TTN: variants seen among roughly 807,000 people sequenced by gnomAD.
TTN encodes connectin.
In TTN, 1,525 loss-of-function variants were observed where a neutral mutation model predicts 3,223.0. That is an observed-to-expected ratio of 0.47 (90% CI 0.45 to 0.49). The LOEUF (loss-of-function observed/expected upper bound fraction) is 0.49, where lower values mean the gene tolerates loss of function less well. Among genes scored for constraint, TTN ranks in the 20% least tolerant of loss-of-function variants. TTN has a pLI of 0.00. For synonymous variants in TTN, 14,094 were observed against 15,161.0 expected, an observed-to-expected ratio of 0.93 and a Z score of 5.17; for missense variants, 40,786 against 43,424.0, an observed-to-expected ratio of 0.94 and a Z score of 5.40.
intron 278 of TTN, among the ~76,000 whole-genome samples, chr2:178,606,356 G>A (rs1466767981): frequency 6.6e-6 from 1 of 151,870 alleles, no homozygotes; most frequent in African/African-American, 2.4e-5. Flanking sequence ...ATGAGCTGCA[G>A]CAGTGATATA....
At chr2:178,623,034 A>G (rs2058532097) in intron 242 of TTN, among the ~76,000 whole-genome samples, 1 of 151,924 alleles carries the variant, frequency 6.6e-6, no homozygotes, top group South Asian at 2.1e-4. Context: ...CTAGGGAGCC[A>G]TCTCAGTTCT....
At position 178,651,658 on chromosome 2, in the gene TTN, A is replaced by T; in HGVS notation, c.39463+8T>A. 6.2e-7 allele frequency: 1 copy of T among 1,613,224 alleles called. No individual in the cohort carries two copies. The highest frequency in any genetic ancestry group is 1.1e-5 in the South Asian group (1 of 91,048). On this transcript the variant is annotated splice_region_variant and intron_variant, in intron 206 of 362. Coordinates refer to ENST00000589042, the MANE Select transcript of TTN (RefSeq NM_001267550.2). The stretch of plus-strand genomic sequence containing the variant: ...TTTTGTTAGGGAGTTAGTGGCAGTG[A>T]GGAATACCTTTCACTGGTGGTAGTT...
In TTN at chr2:178,731,842, C is replaced by T. The variant is rs374742663; in HGVS notation, c.17033G>A (p.Arg5678Gln). The change falls in exon 58 of 363, where the codon CGA (arginine) becomes CAA (glutamine). Residue 5678 changes from arginine (R) to glutamine (Q), a missense_variant. Physicochemically the swap from Arg to Gln is conservative, Grantham distance 43 (BLOSUM62 1). Coordinates refer to ENST00000589042, the MANE Select transcript of TTN (RefSeq NM_001267550.2). Reference protein sequence around the residue: ...ITWFKDNTILRSGRKYKTFIQ... With the variant: ...ITWFKDNTILQSGRKYKTFIQ... ...GAAAGTCTTATACTTTCTACCACTT[C>T]GCAGGATTGTGTTATCTTTGAACCA... The T allele has an allele frequency of 6.2e-6, 10 of 1,613,768 alleles. No individual in the cohort carries two copies. The highest frequency in any genetic ancestry group is 4.4e-5 in the South Asian group (4 of 91,076).
At position 178,770,156 on chromosome 2, in the gene TTN, G is replaced by T; in HGVS notation, c.8545C>A (p.His2849Asn). Residue 2849 changes from histidine to asparagine, a missense_variant, in exon 36 of 363, where the codon CAC becomes AAC. Physicochemically the swap from His to Asn is moderately conservative, Grantham distance 68. Transcript: ENST00000589042. ...GAGATGTTCTGCAGCATCAGCTTGT[G>T]GACTTTCCTTTCTGAGACCAGTCTG... ...KHRLVSERKVHKLMLQNISPS... is the reference protein window; with the variant it reads ...KHRLVSERKVNKLMLQNISPS... 1 of 1,614,044 alleles carries T rather than the reference G, an allele frequency of 6.2e-7. No individual in the cohort carries two copies. Among genetic ancestry groups the T allele is most frequent in the Non-Finnish European group, 8.5e-7 (1 of 1,179,998 alleles).
chr2:178,793,327 T>C, intron 9 of TTN, 77 bp downstream of exon 9: 1 of 1,562,314 alleles, frequency 6.4e-7, no homozygotes, highest in Non-Finnish European at 8.7e-7. Flanking sequence ...GGAACAACAC[T>C]CTTCATGGTA....
Position 178,609,323 on chromosome 2 carries a change from C to T in TTN, c.51987G>A (p.Lys17329=). 6.2e-7 allele frequency: 1 copy of T among 1,610,118 alleles called. No homozygotes were observed. The highest frequency in any genetic ancestry group is 8.5e-7 in the Non-Finnish European group (1 of 1,178,086). ...CTCGGACGCGTAGCTGAGATTCTCC[C>T]TTTTTGCTGTTGTCAATACTCAAAC... ...TQRLSIDNSK[K]GESQLRVRDS... The change falls in exon 273 of 363, where the codon AAG becomes AAA. Residue 17329 remains lysine, a synonymous_variant. Coordinates refer to ENST00000589042, the MANE Select transcript of TTN (RefSeq NM_001267550.2).
chr2:178,701,365 T>G lies in TTN; in HGVS notation c.30599-162A>C, dbSNP rs114983830. Among the ~76,000 whole-genome samples the G allele has an allele frequency of 0.017, 2,353 of 139,496 alleles. 64 individuals are homozygous for G. The highest frequency in any genetic ancestry group is 0.056 in the African/African-American group (2,247 of 39,828). 91.5% of individuals were successfully genotyped at this position (139,496 alleles called of 152,430 possible). On this transcript the variant is annotated intron_variant, in intron 110 of 362. Coordinates refer to ENST00000589042, the MANE Select transcript of TTN (RefSeq NM_001267550.2). ...AGCATTTATTTATAACTGGAACTAC[T>G]TTTTTTTTTTACTTTAATTTCTAAT... is the stretch of plus-strand genomic sequence containing the variant.
In TTN at chr2:178,533,932, C is replaced by A; in HGVS notation, c.102683G>T (p.Gly34228Val). Reference sequence around the variant, plus strand: ...GTAATAGTCATAGACTTCTCTCACACCTTTAACAAATAGCTCTGCATAAGA... The same window carrying A: ...GTAATAGTCATAGACTTCTCTCACAACTTTAACAAATAGCTCTGCATAAGA... ...DSSYAELFVK[G>V]VREVYDYYCR... Residue 34228 changes from glycine to valine, a missense_variant, in exon 358 of 363, where the codon GGT (glycine) becomes GTT (valine). Physicochemically the swap from Gly to Val is moderately radical, Grantham distance 109. Transcript: ENST00000589042. The A allele has an allele frequency of 6.2e-7, 1 of 1,613,868 alleles. No homozygotes were observed. Among genetic ancestry groups the A allele is most frequent in the Non-Finnish European group, 8.5e-7 (1 of 1,179,854 alleles).
At chr2:178,756,097 A>C in intron 46 of TTN, 125 bp downstream of exon 46, 9 of 731,698 alleles carry the variant, frequency 1.2e-5, no homozygotes, top group Non-Finnish European at 2.0e-5. Flanking sequence ...GAAGTCACTT[A>C]TGAATAGGGT....
At chr2:178,641,208 G>A (rs1296237363) in intron 220 of TTN, 33 bp downstream of exon 220, 5 of 1,380,864 alleles carry the variant, frequency 3.6e-6, no homozygotes, top group Non-Finnish European at 4.9e-6. Flanking sequence ...TTTGTTAAAA[G>A]ATAATCTTAC....
chr2:178,640,232 C>A, intron 221 of TTN, 122 bp from the exon 222 acceptor site: 2 of 847,386 alleles, frequency 2.4e-6, no homozygotes, highest in East Asian at 3.0e-5. Flanking sequence ...ATATAATTAT[C>A]AAATCAAGTA....
intron 88 of TTN, among the ~76,000 whole-genome samples, chr2:178,716,542 CAT>C (rs1456959661): frequency 6.6e-6 from 1 of 152,278 alleles, no homozygotes; most frequent in East Asian, 1.9e-4. Context: ...CAGCGATAAA[CAT>C]GTGGCAGAAA....
In TTN at chr2:178,721,084, A is replaced by G; in HGVS notation, c.22935T>C (p.Asn7645=). 1 of 1,613,252 alleles carries G rather than the reference A, an allele frequency of 6.2e-7. No homozygotes were observed. The highest frequency in any genetic ancestry group is 8.5e-7 in the Non-Finnish European group (1 of 1,179,344). Residue 7645 remains asparagine (N), a synonymous_variant, in exon 79 of 363, where the codon AAT becomes AAC. Transcript: ENST00000589042. The stretch of plus-strand genomic sequence containing the variant: ...TCCAACTTTCATGAAGTTCGCTGTC[A>G]TTTCGGAACCATGAAACTTTGATTT... ...SPEIKVSWFR[N]DSELHESWKY... is the part of the protein sequence containing the mutation.
At position 178,652,172 on chromosome 2, in the gene TTN, C is replaced by T. The variant is rs777607934; in HGVS notation, c.39219G>A (p.Glu13073=). The T allele has an allele frequency of 4.3e-6, 7 of 1,611,946 alleles. No homozygotes were observed. The highest frequency in any genetic ancestry group is 5.9e-6 in the Non-Finnish European group (7 of 1,179,608). ...TTTCTGGGACAGCTACCTTTGGCACCTCTGGGACTTTAAAAGATATTATTA... is the reference window on the plus strand; with the variant it reads ...TTTCTGGGACAGCTACCTTTGGCACTTCTGGGACTTTAAAAGATATTATTA... ...KPEVPPTKVP[E]VPKVAVPEKK... is the part of the protein sequence containing the mutation. Residue 13073 remains glutamate, a synonymous_variant, in exon 204 of 363, where the codon GAG becomes GAA. Coordinates refer to ENST00000589042, the MANE Select transcript of TTN (RefSeq NM_001267550.2).
In TTN at chr2:178,768,768, T is replaced by C; in HGVS notation, c.9068A>G (p.His3023Arg). ...GTGAACATTCCTGATGTTCAGTGAGTGTGTGAGCTTTTTGGTTCTCATCTG... is the reference window on the plus strand; with the variant it reads ...GTGAACATTCCTGATGTTCAGTGAGCGTGTGAGCTTTTTGGTTCTCATCTG... ...KCQMRTKKLT[H>R]SLNIRNVHFG... Residue 3023 changes from histidine (H) to arginine (R), a missense_variant, in exon 38 of 363, where the codon CAC (histidine) becomes CGC (arginine). His to Arg is a conservative substitution (Grantham distance 29, BLOSUM62 0). Coordinates refer to ENST00000589042, the MANE Select transcript of TTN (RefSeq NM_001267550.2). The C allele has an allele frequency of 6.2e-7, 1 of 1,614,108 alleles. No homozygotes were observed. Among genetic ancestry groups the C allele is most frequent in the Non-Finnish European group, 8.5e-7 (1 of 1,180,004 alleles).
chr2:178,733,114 G>A lies in TTN; in HGVS notation c.16062C>T (p.Asp5354=), dbSNP rs2080843521. 6 of 1,588,768 alleles carry A rather than the reference G, an allele frequency of 3.8e-6. No individual in the cohort carries two copies. The highest frequency in any genetic ancestry group is 5.1e-6 in the Non-Finnish European group (6 of 1,165,628). Residue 5354 remains aspartate (D), a synonymous_variant, in exon 55 of 363, where the codon GAC becomes GAT. Transcript: ENST00000589042. ...CETTFTVLDR[D]IAPFFTKPLR... ...AGGGTTTGGTAAAAAATGGAGCAATGTCTCGATCTGTGTGTTGCACAAGAA... is the reference window on the plus strand; with the variant it reads ...AGGGTTTGGTAAAAAATGGAGCAATATCTCGATCTGTGTGTTGCACAAGAA...
chr2:178,766,242 G>GA (rs561991319), intron 41 of TTN, 139 bp downstream of exon 41: 49 of 726,250 alleles, frequency 6.7e-5, no homozygotes, highest in Admixed American at 5.7e-4. Flanking sequence ...GATATAATGT[G>GA]AAAAAAAATG....
chr2:178,577,435 T>C lies in TTN; in HGVS notation c.68900A>G (p.Asn22967Ser). The change falls in exon 324 of 363, where the codon AAT becomes AGT. Residue 22967 changes from asparagine to serine, a missense_variant. By Grantham distance (46) the Asn-to-Ser change is conservative (BLOSUM62 1). Coordinates refer to ENST00000589042, the MANE Select transcript of TTN (RefSeq NM_001267550.2). ...GGGTTTGCCAAGAATGCTAATGGCATTCAAAACAATGGTATCCCCTGCTTT... is the reference window on the plus strand; with the variant it reads ...GGGTTTGCCAAGAATGCTAATGGCACTCAAAACAATGGTATCCCCTGCTTT... ...TIKAGDTIVLNAISILGKPLP... is the reference protein window; with the variant it reads ...TIKAGDTIVLSAISILGKPLP... 6.2e-7 allele frequency: 1 copy of C among 1,610,098 alleles called. No homozygotes were observed. Among genetic ancestry groups the C allele is most frequent in the Non-Finnish European group, 8.5e-7 (1 of 1,177,856 alleles).
chr2:178,619,813 C>T lies in TTN; in HGVS notation c.46504G>A (p.Glu15502Lys). 6.2e-7 allele frequency: 1 copy of T among 1,612,224 alleles called. No homozygotes were observed. The highest frequency in any genetic ancestry group is 1.1e-5 in the South Asian group (1 of 91,008). The change falls in exon 250 of 363, where the codon GAA (glutamate) becomes AAA (lysine). Residue 15502 changes from glutamate to lysine, a missense_variant. Coordinates refer to ENST00000589042, the MANE Select transcript of TTN (RefSeq NM_001267550.2). ...ACTTCCACCTTATCTTTATTGAGTT[C>T]TGCTAAAAAGACAACATCAGCACCA... ...APGADVVFLA[E>K]LNKDKVEVQW...
Sources: gnomAD v4.1 joint callset for allele counts (sites outside exome capture counted in the v4.1 genomes callset) on GRCh38, gnomAD v4.1.1 for gene constraint, MANE v1.5 for transcripts, NCBI Gene and HGNC (gene_info 2026-07-23, HGNC 2026-07-21) for gene names.